Variants in MPP4 observed in about 807,000 individuals in gnomAD.
MPP4 encodes the protein MAGUK p55 scaffold protein 4, also known as MAGUK p55 subfamily member 4.
Under a neutral mutation model 98.3 loss-of-function variants are expected in MPP4, and 91 were observed. The ratio of observed to expected loss-of-function variants is 0.93; its 90% CI spans 0.78 to 1.10. MPP4 has a LOEUF of 1.10. Ranked by LOEUF, MPP4 falls within the 50% of genes least tolerant of loss-of-function variation. The pLI, the probability that MPP4 is intolerant of heterozygous loss-of-function variation, is 0.00. For synonymous variants in MPP4, 261 were observed against 271.8 expected (o/e 0.96, Z 0.39); for missense variants, 744 against 792.9 (o/e 0.94, Z 0.74).
intron 9 of MPP4, 90 bp from the exon 10 acceptor site, chr2:201,681,124 C>T: frequency 7.6e-7 from 1 of 1,310,160 alleles, no homozygotes; most frequent in Non-Finnish European, 1.1e-6. Context: ...GACTTAAAAC[C>T]ATTTCTCCCA....
At chr2:201,687,696 A>G (rs1688880000) in intron 4 of MPP4, among the ~76,000 whole-genome samples, 1 of 152,216 alleles carries the variant, frequency 6.6e-6, no homozygotes, top group Admixed American at 6.5e-5. Context: ...TAGTGCCTCT[A>G]AAATATAATA....
chr2:201,651,511 C>T (rs1687711542), intron 18 of MPP4: 11 of 985,202 alleles, frequency 1.1e-5, no homozygotes, highest in Admixed American at 6.1e-5. Flanking sequence ...ATGTATAACT[C>T]GAGGTATCCA....
chr2:201,691,154 C>A (rs546482244), intron 3 of MPP4, among the ~76,000 whole-genome samples: 4 of 152,180 alleles, frequency 2.6e-5, no homozygotes, highest in African/African-American at 7.2e-5. Context: ...CAATGCCCAT[C>A]ATGAAATTAA....
In MPP4 at chr2:201,650,162, G is replaced by A. The variant is rs1211558720; in HGVS notation, c.1385C>T (p.Thr462Ile). ...PSHFQSAVPH[T>I]TRTKKSYEMN... ...TTCGTAACTCTTTTTAGTACGAGTA[G>A]TGTCTATCAGAAAAAGGGAATGAAA... is the stretch of plus-strand genomic sequence containing the variant. Residue 462 changes from threonine to isoleucine, a missense_variant, in exon 19 of 22, where the codon ACT becomes ATT. Thr to Ile is a moderately conservative substitution (Grantham distance 89). Transcript: ENST00000409474. 2 of 1,562,728 alleles carry A rather than the reference G, an allele frequency of 1.3e-6. No individual in the cohort carries two copies. The highest frequency in any genetic ancestry group is 1.9e-5 in the Admixed American group (1 of 51,696).
rs1687659925 is a variant in MPP4, at chr2:201,649,592, A to C, written c.1568T>G (p.Met523Arg). ...TVLVEGKICV[M>R]DLEPQDIQGV... is the part of the protein sequence containing the mutation. ...TGGACCCACCTGAGGCTCTAGGTCCATGACACAGATCTTTCCTTCGACAAG... is the reference window on the plus strand; with the variant it reads ...TGGACCCACCTGAGGCTCTAGGTCCCTGACACAGATCTTTCCTTCGACAAG... The change falls in exon 20 of 22, where the codon ATG becomes AGG. Residue 523 changes from methionine (M) to arginine (R), a missense_variant. Physicochemically the swap from Met to Arg is moderately conservative, Grantham distance 91. Transcript: ENST00000409474. 6.2e-7 allele frequency: 1 copy of C among 1,604,918 alleles called. No individual in the cohort carries two copies. Among genetic ancestry groups the C allele is most frequent in the Non-Finnish European group, 8.5e-7 (1 of 1,175,430 alleles).
In MPP4 at chr2:201,686,005, G is replaced by T. The variant is rs1357678900; in HGVS notation, c.406C>A (p.Pro136Thr). ...TTGTCTGGCAGTGGAGGGAGAAGGG[G>T]TTCAAAATCTTTCTGAGCTATCGTG... The part of the protein sequence containing the change: ...HDTIAQKDFE[P>T]LLPPLPDNIP... Residue 136 changes from proline (P) to threonine (T), a missense_variant, in exon 6 of 22, where the codon CCC (proline) becomes ACC (threonine). Coordinates refer to ENST00000409474, the MANE Select transcript of MPP4 (RefSeq NM_033066.3). 4 of 1,612,814 alleles carry T rather than the reference G, an allele frequency of 2.5e-6. No homozygotes were observed. The South Asian group carries it at 3.3e-5, about 13-fold the overall frequency.
chr2:201,675,655 A>G (rs1357039219), intron 10 of MPP4, among the ~76,000 whole-genome samples: 1 of 152,156 alleles, frequency 6.6e-6, no homozygotes, highest in African/African-American at 2.4e-5. Flanking sequence ...TCAGGCTATT[A>G]GAGGCTCTCT....
intron 11 of MPP4, among the ~76,000 whole-genome samples, chr2:201,670,691 G>A (rs976447367): frequency 6.6e-5 from 10 of 152,142 alleles, no homozygotes; most frequent in Non-Finnish European, 1.0e-4. Flanking sequence ...TTTTCAAAAC[G>A]TGGAAGAAGT....
intron 10 of MPP4, among the ~76,000 whole-genome samples, chr2:201,675,647 A>G (rs1256849147): frequency 2.0e-5 from 3 of 152,144 alleles, no homozygotes; most frequent in African/African-American, 4.8e-5. Context: ...TTTCCCTCTC[A>G]GGCTATTAGA....
rs1328797676 is a variant in MPP4, at chr2:201,687,380, T to G, written c.280-9A>C. 2 of 1,562,678 alleles carry G rather than the reference T, an allele frequency of 1.3e-6. No individual in the cohort carries two copies. Among genetic ancestry groups the G allele is most frequent in the Non-Finnish European group, 1.7e-6 (2 of 1,151,566 alleles). On this transcript the variant is annotated splice_polypyrimidine_tract_variant and intron_variant, in intron 4 of 21. Transcript: ENST00000409474. ...CGTAATAACTCCACTACCTGGTTCATGGAAAAGGATACATTATAAAAATTT... is the reference window on the plus strand; with the variant it reads ...CGTAATAACTCCACTACCTGGTTCAGGGAAAAGGATACATTATAAAAATTT...
intron 21 of MPP4, 54 bp downstream of exon 21, chr2:201,647,637 T>G: frequency 6.3e-7 from 1 of 1,577,730 alleles, no homozygotes; most frequent in Non-Finnish European, 8.7e-7. Context: ...AACCCAGATC[T>G]CTCCCACGCA....
chr2:201,651,615 C>T (rs1017210630), intron 18 of MPP4: 4 of 985,128 alleles, frequency 4.1e-6, no homozygotes, highest in Admixed American at 6.2e-5. Flanking sequence ...TCTTAAAATT[C>T]TTCTATATTC....
At chr2:201,663,440 C>T (rs532519948) in intron 14 of MPP4, among the ~76,000 whole-genome samples, 1 of 152,252 alleles carries the variant, frequency 6.6e-6, no homozygotes, top group Admixed American at 6.5e-5. Context: ...TTTTAAAATA[C>T]ATTTTACTGG....
At chr2:201,683,275 A>G (rs1306634280) in intron 7 of MPP4, among the ~76,000 whole-genome samples, 1 of 152,236 alleles carries the variant, frequency 6.6e-6, no homozygotes, top group Non-Finnish European at 1.5e-5. Context: ...GTATTATTCA[A>G]AAGAGAAAAT....
At chr2:201,685,859 T>A in intron 6 of MPP4, 60 bp downstream of exon 6, 1 of 1,581,260 alleles carries the variant, frequency 6.3e-7, no homozygotes, top group East Asian at 2.3e-5. Context: ...CTAGATATAA[T>A]TTGGTTCACA....
chr2:201,655,523 T>C (rs144413239), intron 17 of MPP4, among the ~76,000 whole-genome samples: 3 of 152,314 alleles, frequency 2.0e-5, no homozygotes, highest in Non-Finnish European at 4.4e-5. Context: ...CATTTTACAA[T>C]GGGGCCTGCA....
intron 13 of MPP4, chr2:201,665,811 A>C (rs1326300243): frequency 1.3e-5 from 2 of 152,168 alleles, no homozygotes; most frequent in African/African-American, 4.8e-5. Context: ...TCTTAAGCCA[A>C]TCTTAGTTCT....
At chr2:201,653,927 AG>A (rs1436495067) in intron 18 of MPP4, among the ~76,000 whole-genome samples, 1 of 152,172 alleles carries the variant, frequency 6.6e-6, no homozygotes, top group African/African-American at 2.4e-5. Flanking sequence ...GTAGTAGTAA[AG>A]GGGGAGCTTA....
rs776614930 is a variant in MPP4 at position 201,666,343 on chromosome 2, C to T, written c.1042G>A (p.Val348Met). 2 of 1,556,850 alleles carry T rather than the reference C, an allele frequency of 1.3e-6. No individual in the cohort carries two copies. Among genetic ancestry groups the T allele is most frequent in the East Asian group, 2.4e-5 (1 of 42,060 alleles). ...CAAGAGAAAATGTTACCTGCTTCCA[C>T]ACATTTCTCATCAATCTTCATGTCA... ...EDDMKIDEKC[V>M]EADEETFESE... The change falls in exon 13 of 22, where the codon GTG (valine) becomes ATG (methionine). Residue 348 changes from valine to methionine, a missense_variant. Transcript: ENST00000409474.
Sources: gnomAD v4.1 joint callset for allele counts (sites outside exome capture counted in the v4.1 genomes callset) on GRCh38, gnomAD v4.1.1 for gene constraint, MANE v1.5 for transcripts, NCBI Gene and HGNC (gene_info 2026-07-23, HGNC 2026-07-21) for gene names.